The following EEPD1 variants were observed in gnomAD, a reference collection of about 807,000 sequenced individuals.
EEPD1 encodes endonuclease/exonuclease/phosphatase family domain-containing protein 1.
Under a neutral mutation model 46.3 loss-of-function variants are expected in EEPD1, and 17 were observed. The ratio of observed to expected loss-of-function variants is 0.37; its 90% CI spans 0.25 to 0.55. The LOEUF is 0.55. Ranked by LOEUF, EEPD1 falls within the 20% of genes least tolerant of loss-of-function variation. EEPD1 has a pLI of 0.83. For synonymous variants in EEPD1, 313 were observed against 315.6 expected (o/e 0.99, Z 0.09); for missense variants, 673 against 745.6 (o/e 0.90, Z 1.13).
chr7:36,236,341 G>T (rs1403555539), intron 2 of EEPD1, among the ~76,000 whole-genome samples: 2 of 152,246 alleles, frequency 1.3e-5, no homozygotes, highest in East Asian at 3.9e-4. Flanking sequence ...TTCCAGGTGA[G>T]CGCGGGCTTG....
At chr7:36,164,512 A>G (rs1167747160) in intron 2 of EEPD1, among the ~76,000 whole-genome samples, 1 of 152,230 alleles carries the variant, frequency 6.6e-6, no homozygotes, top group Non-Finnish European at 1.5e-5. Context: ...TGGTTAGGAT[A>G]ACATCTATTA....
chr7:36,293,386 C>A (rs1374224700), intron 6 of EEPD1, among the ~76,000 whole-genome samples: 1 of 152,096 alleles, frequency 6.6e-6, no homozygotes, highest in Non-Finnish European at 1.5e-5. Context: ...GTTGTGGTTC[C>A]CATACCTGGC....
At chr7:36,161,896 T>C (rs1784904970) in intron 2 of EEPD1, among the ~76,000 whole-genome samples, 2 of 76,074 alleles carry the variant, frequency 2.6e-5, no homozygotes, top group African/African-American at 5.4e-5. Flanking sequence ...CCTGTCTCTC[T>C]CAAAAAAAAA....
intron 2 of EEPD1, among the ~76,000 whole-genome samples, chr7:36,230,117 T>A (rs539837856): frequency 2.0e-5 from 3 of 152,100 alleles, no homozygotes; most frequent in African/African-American, 7.2e-5. Flanking sequence ...TAATGTTTCT[T>A]TCTTGTTCCC....
chr7:36,272,537 T>G (rs2115853252), intron 3 of EEPD1, among the ~76,000 whole-genome samples: 1 of 150,670 alleles, frequency 6.6e-6, no homozygotes, highest in Non-Finnish European at 1.5e-5. Context: ...TCCCTTCGCT[T>G]ATTTGTAACC....
intron 2 of EEPD1, among the ~76,000 whole-genome samples, chr7:36,203,813 C>T (rs986933446): frequency 2.0e-5 from 3 of 152,126 alleles, no homozygotes; most frequent in Non-Finnish European, 2.9e-5. Flanking sequence ...AAAATAATGA[C>T]AAAGAATCAC....
intron 3 of EEPD1, among the ~76,000 whole-genome samples, chr7:36,273,859 C>T (rs959220351): frequency 3.9e-5 from 6 of 152,194 alleles, no homozygotes; most frequent in Admixed American, 6.5e-5. Context: ...TCCAAAGCCA[C>T]GAGGAAGCAA....
intron 2 of EEPD1, among the ~76,000 whole-genome samples, chr7:36,159,669 A>G (rs1383408072): frequency 6.6e-6 from 1 of 152,148 alleles, no homozygotes; most frequent in African/African-American, 2.4e-5. Context: ...CTGGCCAGGT[A>G]TCAGGGTCTT....
intron 3 of EEPD1, among the ~76,000 whole-genome samples, chr7:36,242,168 T>A (rs1786565366): frequency 6.6e-6 from 1 of 152,186 alleles, no homozygotes; most frequent in African/African-American, 2.4e-5. Context: ...ATTCTAATTC[T>A]TAACTCACAG....
intron 3 of EEPD1, among the ~76,000 whole-genome samples, chr7:36,248,245 C>T (rs1446598547): frequency 6.6e-6 from 1 of 151,546 alleles, no homozygotes; most frequent in African/African-American, 2.4e-5. Flanking sequence ...CACTCTGTCC[C>T]CCAGGCTGGA....
At chr7:36,175,304 C>T (rs749203453) in intron 2 of EEPD1, among the ~76,000 whole-genome samples, 5 of 152,232 alleles carry the variant, frequency 3.3e-5, no homozygotes, top group Non-Finnish European at 5.9e-5. Context: ...GATCATAGCT[C>T]ACTGCGGCCT....
intron 2 of EEPD1, among the ~76,000 whole-genome samples, chr7:36,222,130 A>T (rs775688926): frequency 6.6e-6 from 1 of 152,208 alleles, no homozygotes; most frequent in East Asian, 1.9e-4. Flanking sequence ...AGAACTTTTG[A>T]CTCCCCCAAA....
intron 2 of EEPD1, among the ~76,000 whole-genome samples, chr7:36,202,489 G>A (rs1016481075): frequency 6.6e-6 from 1 of 152,186 alleles, no homozygotes; most frequent in African/African-American, 2.4e-5. Context: ...AACCAGGACT[G>A]TAGCCTGGTT....
At chr7:36,209,468 T>A (rs1785884933) in intron 2 of EEPD1, among the ~76,000 whole-genome samples, 1 of 152,142 alleles carries the variant, frequency 6.6e-6, no homozygotes, top group African/African-American at 2.4e-5. Context: ...CCGTTATTGA[T>A]GAGAGATGTC....
intron 2 of EEPD1, among the ~76,000 whole-genome samples, chr7:36,185,980 T>A (rs568146594): frequency 1.2e-3 from 180 of 152,344 alleles, no homozygotes; most frequent in African/African-American, 4.3e-3. Flanking sequence ...CTGTGATTCA[T>A]CTACTATGTC....
chr7:36,292,055 A>G (rs1229126270), intron 6 of EEPD1, among the ~76,000 whole-genome samples: 1 of 152,218 alleles, frequency 6.6e-6, no homozygotes, highest in African/African-American at 2.4e-5. Context: ...GTTCTTATGC[A>G]CACATATTTA....
chr7:36,208,498 G>T (rs1037475474), intron 2 of EEPD1, among the ~76,000 whole-genome samples: 4 of 152,226 alleles, frequency 2.6e-5, no homozygotes, highest in African/African-American at 9.6e-5. Flanking sequence ...GAACAGTGTG[G>T]TGGAGAGTGG....
intron 3 of EEPD1, among the ~76,000 whole-genome samples, chr7:36,251,565 C>G (rs978019393): frequency 6.6e-6 from 1 of 152,334 alleles, no homozygotes; most frequent in East Asian, 1.9e-4. Context: ...CCGCCTTGGC[C>G]TCCCAGAGTG....
chr7:36,300,181 G>A lies in EEPD1; in HGVS notation c.*975G>A, dbSNP rs1787597610. 1 of 152,272 alleles carries A rather than the reference G, an allele frequency of 6.6e-6. No individual in the cohort carries two copies. Among genetic ancestry groups the A allele is most frequent in the South Asian group, 2.1e-4 (1 of 4,836 alleles). The allele number at this position is 152,272 out of a possible 1,614,324, so 9.4% of individuals were successfully genotyped here. A position where few individuals can be genotyped will look rare whatever the true frequency, so the allele number is the denominator to read the frequency against. On this transcript the variant is annotated 3_prime_UTR_variant, in exon 8 of 8. Coordinates refer to ENST00000242108, the MANE Select transcript of EEPD1 (RefSeq NM_030636.3). ...CAGGATACATAGGAAGTTGACCTCG[G>A]GGTATCATGGAGAGTGTCCCTCCTA...
Sources: allele counts gnomAD v4.1 joint callset (sites outside exome capture counted in the v4.1 genomes callset), GRCh38; gene constraint gnomAD v4.1.1; transcripts MANE v1.5; gene names NCBI Gene and HGNC (gene_info 2026-07-23, HGNC 2026-07-21).